ACLY: variants seen among roughly 807,000 people sequenced by gnomAD.
ACLY encodes ATP-citrate synthase.
A neutral mutation model predicts 133.0 loss-of-function variants in ACLY; 41 were observed. That is an observed-to-expected ratio of 0.31 (90% CI 0.24 to 0.40). The LOEUF is 0.40. Among genes scored for constraint, ACLY ranks in the 10% least tolerant of loss-of-function variants. The pLI is 1.00. For synonymous variants in ACLY, 495 were observed against 549.3 expected (o/e 0.90, Z 1.38); for missense variants, 1,046 against 1,453.8 (o/e 0.72, Z 4.56).
At chr17:41,904,924 G>T in intron 9 of ACLY, 134 bp from the exon 10 acceptor site, 2 of 782,670 alleles carry the variant, frequency 2.6e-6, no homozygotes, top group Non-Finnish European at 4.3e-6. Context: ...TGGGGAGTGA[G>T]TAGGACAGTC....
intron 3 of ACLY, among the ~76,000 whole-genome samples, chr17:41,911,402 C>A (rs1015035261): frequency 6.6e-6 from 1 of 152,236 alleles, no homozygotes; most frequent in African/African-American, 2.4e-5. Flanking sequence ...AGTCCTCCAG[C>A]TCCCCTGGGG....
intron 26 of ACLY, 76 bp from the exon 27 acceptor site, chr17:41,869,201 A>G: frequency 8.2e-7 from 1 of 1,221,784 alleles, no homozygotes; most frequent in Non-Finnish European, 1.2e-6. Flanking sequence ...TGTCACTACT[A>G]TTACTACGAA....
rs781810558 is a variant in ACLY at position 41,905,703 on chromosome 17, A to G, written c.867-45T>C. 7 of 1,612,938 alleles carry G rather than the reference A, an allele frequency of 4.3e-6. No homozygotes were observed. In the African/African-American group the frequency reaches 9.3e-5, roughly 22 times the overall value. ...CAGTGATGGCTCTCACACTTGGGGC[A>G]GGGAGTGGCAGCCTGGTGCCTGGGA... On this transcript the variant is annotated intron_variant, in intron 8 of 28. Coordinates refer to ENST00000352035, the MANE Select transcript of ACLY (RefSeq NM_001096.3).
rs2144337724 is a variant in ACLY, at chr17:41,897,804, C to T, written c.1374G>A (p.Glu458=). 6.2e-7 allele frequency: 1 copy of T among 1,613,734 alleles called. No homozygotes were observed. The highest frequency in any genetic ancestry group is 1.1e-5 in the South Asian group (1 of 90,970). The change falls in exon 13 of 29, where the codon GAG becomes GAA. Residue 458 remains glutamate (E), a synonymous_variant. Transcript: ENST00000352035. ...PAPSRTASFS[E]SRADEVAPAK... is the part of the protein sequence containing the mutation. ...CAGGCGCCACCTCATCGGCCCTGGA[C>T]TCAGAAAAAGATGCTGTCCTGCTGG...
chr17:41,897,857 G>T lies in ACLY; in HGVS notation c.1339-18C>A, dbSNP rs1273730200. ...GCTGGCGTCTGGGGTGAGATAAGGAGAGAGTGTAAGAGGTAAGAGTCACAC... is the reference window on the plus strand; with the variant it reads ...GCTGGCGTCTGGGGTGAGATAAGGATAGAGTGTAAGAGGTAAGAGTCACAC... On this transcript the variant is annotated intron_variant, in intron 12 of 28. Transcript: ENST00000352035. 1.9e-6 allele frequency: 3 copies of T among 1,607,836 alleles called. No homozygotes were observed. The highest frequency in any genetic ancestry group is 2.7e-5 in the African/African-American group (2 of 74,742).
At chr17:41,915,007 A>G (rs951604970) in intron 1 of ACLY, among the ~76,000 whole-genome samples, 14 of 152,194 alleles carry the variant, frequency 9.2e-5, no homozygotes, top group African/African-American at 2.9e-4. Flanking sequence ...AAGCCCACCT[A>G]ATAATAAGCA....
At chr17:41,930,510 C>A (rs1173916193) in exon 1 of ACLY, 2 of 513,720 alleles carry the variant, frequency 3.9e-6, no homozygotes, top group Non-Finnish European at 7.0e-6. Context: ...GTCAGCCACG[C>A]AATCATCACT....
intron 1 of ACLY, among the ~76,000 whole-genome samples, chr17:41,927,096 G>A (rs192456581): frequency 6.2e-4 from 94 of 152,218 alleles, no homozygotes; most frequent in African/African-American, 2.2e-3. Flanking sequence ...TTGAACTCCC[G>A]AACTCAGGTG....
chr17:41,896,724 A>C (rs954812536), intron 13 of ACLY, 75 bp from the exon 14 acceptor site: 18 of 1,380,314 alleles, frequency 1.3e-5, no homozygotes, highest in Non-Finnish European at 1.7e-5. Flanking sequence ...GGGTGGGAAC[A>C]GGGAAGGGTC....
At chr17:41,919,320 A>G (rs6503674), upstream of ACLY, among the ~76,000 whole-genome samples, 128,864 of 148,626 alleles carry the variant, frequency 0.87, 55,991 homozygotes, top group East Asian at 0.99. Context: ...AGGGGCGGGT[A>G]GGATTAGCCC....
At chr17:41,927,185 T>A (rs573286375) in intron 1 of ACLY, among the ~76,000 whole-genome samples, 1 of 152,336 alleles carries the variant, frequency 6.6e-6, no homozygotes, top group African/African-American at 2.4e-5. Flanking sequence ...TGAGTTTTAA[T>A]ACATGTATAT....
chr17:41,900,068 CCA>C (rs1567904362), intron 11 of ACLY, among the ~76,000 whole-genome samples: 1 of 6,220 alleles, frequency 1.6e-4, no homozygotes, highest in Non-Finnish European at 6.9e-4. Flanking sequence ...GACCCTGTCT[CCA>C]AAAAAAAAAA....
intron 28 of ACLY, among the ~76,000 whole-genome samples, chr17:41,868,233 T>TC: frequency 6.6e-6 from 1 of 151,982 alleles, no homozygotes; most frequent in South Asian, 2.1e-4. Flanking sequence ...GGTTGGGAGA[T>TC]CGAGACCATC....
At chr17:41,906,485 G>A (rs1555632677) in intron 8 of ACLY, 43 bp downstream of exon 8, 1 of 1,553,500 alleles carries the variant, frequency 6.4e-7, no homozygotes, top group East Asian at 2.2e-5. Context: ...GTTGATGCTG[G>A]GTAGACTGGG....
intron 1 of ACLY, among the ~76,000 whole-genome samples, chr17:41,927,903 G>A (rs782423644): frequency 6.6e-5 from 10 of 151,762 alleles, no homozygotes; most frequent in African/African-American, 1.2e-4. Flanking sequence ...TTGAGAGGCC[G>A]CGGTGGGAGG....
In ACLY at chr17:41,897,782, G is replaced by C. The variant is rs1555630690; in HGVS notation, c.1396C>G (p.Pro466Ala). 6.2e-7 allele frequency: 1 copy of C among 1,613,294 alleles called. No individual in the cohort carries two copies. Among genetic ancestry groups the C allele is most frequent in the Non-Finnish European group, 8.5e-7 (1 of 1,179,688 alleles). Residue 466 changes from proline (P) to alanine (A), a missense_variant, in exon 13 of 29, where the codon CCT becomes GCT. Transcript: ENST00000352035. ...FSESRADEVA[P>A]AKKAKPAMPQ... The stretch of plus-strand genomic sequence containing the variant: ...ATGGCAGGCTTGGCCTTCTTTGCAG[G>C]CGCCACCTCATCGGCCCTGGACTCA...
intron 1 of ACLY, among the ~76,000 whole-genome samples, chr17:41,929,067 A>G (rs1378747433): frequency 2.1e-5 from 3 of 144,068 alleles, no homozygotes; most frequent in South Asian, 2.2e-4. Flanking sequence ...GAATGTACAC[A>G]CCTCCAGCCT....
intron 13 of ACLY, among the ~76,000 whole-genome samples, chr17:41,897,447 T>G (rs970410652): frequency 6.6e-6 from 1 of 152,026 alleles, no homozygotes; most frequent in African/African-American, 2.4e-5. Flanking sequence ...CTGGGATTTC[T>G]GTAACCCTAT....
chr17:41,916,696 T>C (rs2050061403), intron 1 of ACLY, among the ~76,000 whole-genome samples: 1 of 151,676 alleles, frequency 6.6e-6, no homozygotes, highest in Non-Finnish European at 1.5e-5. Context: ...TCTTAAAGTC[T>C]CTCTAAGGCA....
Sources: allele counts gnomAD v4.1 joint callset (sites outside exome capture counted in the v4.1 genomes callset), GRCh38; gene constraint gnomAD v4.1.1; transcripts MANE v1.5; gene names NCBI Gene and HGNC (gene_info 2026-07-23, HGNC 2026-07-21).